Variants in TWIST2 observed in about 807,000 individuals in gnomAD.
TWIST2 encodes twist-related protein 2.
TWIST2 carries 1 observed loss-of-function variant against 11.6 expected under a neutral mutation model. The observed-to-expected ratio is 0.09, with a 90% confidence interval of 0.03 to 0.41. TWIST2 has a LOEUF of 0.41. TWIST2 is among the 10% of genes least tolerant of loss of function. TWIST2 has a pLI of 0.98. For missense variants in TWIST2, 168 were observed against 226.4 expected (o/e 0.74, Z 1.66); for synonymous variants, 87 against 96.6 (o/e 0.90, Z 0.58).
At position 238,864,198 on chromosome 2, in the gene TWIST2, T is replaced by A. The variant is rs926866186; in HGVS notation, c.*35+15465T>A. Reference sequence around the variant, plus strand: ...CAGCATGGGGGGAAGGGGCTGGAGGTGAGGGGGGACCTCTCGGGCTGTGCC... The same window carrying A: ...CAGCATGGGGGGAAGGGGCTGGAGGAGAGGGGGGACCTCTCGGGCTGTGCC... On this transcript the variant is annotated intron_variant, in intron 1 of 1. Transcript: ENST00000612363. This position sits in a 1 kb window ranked among gnomAD's most constrained non-coding sequence, Gnocchi z 4.7. 1.3e-5 allele frequency among the ~76,000 whole-genome samples: 2 copies of A among 150,652 alleles called. No homozygotes were observed. The highest frequency in any genetic ancestry group is 2.1e-4 in the South Asian group (1 of 4,690).
intron 1 of TWIST2, among the ~76,000 whole-genome samples, chr2:238,896,882 C>G (rs1693213620): frequency 6.6e-6 from 1 of 152,204 alleles, no homozygotes. Flanking sequence ...CCGGAGCCCA[C>G]AGACAGAGAC....
intron 1 of TWIST2, among the ~76,000 whole-genome samples, chr2:238,897,370 C>T (rs1448498911): frequency 2.0e-5 from 3 of 152,140 alleles, no homozygotes; most frequent in Non-Finnish European, 4.4e-5. Flanking sequence ...CGGAGTTTGG[C>T]CAGGAGGAGG....
At chr2:238,882,025 T>C (rs1692944983) in intron 1 of TWIST2, among the ~76,000 whole-genome samples, 1 of 152,080 alleles carries the variant, frequency 6.6e-6, no homozygotes, top group South Asian at 2.1e-4. Context: ...TGTCTCTGTG[T>C]CCCTGTCTGT....
intron 1 of TWIST2, among the ~76,000 whole-genome samples, chr2:238,873,502 C>T (rs1692747505): frequency 6.6e-6 from 1 of 152,112 alleles, no homozygotes; most frequent in Admixed American, 6.5e-5. Context: ...TGGGAGTGGG[C>T]AGGGGGATGG....
chr2:238,881,916 A>G (rs1300043089), intron 1 of TWIST2, among the ~76,000 whole-genome samples: 2 of 152,090 alleles, frequency 1.3e-5, no homozygotes, highest in Non-Finnish European at 2.9e-5. Flanking sequence ...GCCCGTGGGC[A>G]TCACAGCCAC....
intron 1 of TWIST2, among the ~76,000 whole-genome samples, chr2:238,891,354 A>C (rs2106369528): frequency 6.6e-6 from 1 of 152,340 alleles, no homozygotes; most frequent in South Asian, 2.1e-4. Context: ...CAGTGGGGAT[A>C]TCACTGGTCA....
rs1248554053 is a variant in TWIST2, at chr2:238,867,403, ACACACACACT to A, written c.*35+18672_*35+18681del. Among the ~76,000 whole-genome samples, 1 of 151,166 alleles carries A rather than the reference ACACACACACT, an allele frequency of 6.6e-6. No homozygotes were observed. The highest frequency in any genetic ancestry group is 1.9e-4 in the East Asian group (1 of 5,138). ...CACACACACACACACACACACACAC[ACACACACACT>A]CCTCAGTAAAATACCCAGTTCTCAC... On this transcript the variant is annotated intron_variant, in intron 1 of 1. Transcript: ENST00000612363. The surrounding 1 kb of genome is among the most constrained non-coding windows in gnomAD (Gnocchi z 4.8).
rs560562073 is a variant in TWIST2 at position 238,875,745 on chromosome 2, A to G, written c.*35+27012A>G. 3.3e-5 allele frequency among the ~76,000 whole-genome samples: 5 copies of G among 152,362 alleles called. No individual in the cohort carries two copies. The East Asian group carries it at 9.7e-4, about 29-fold the overall frequency. On this transcript the variant is annotated intron_variant, in intron 1 of 1. Coordinates refer to ENST00000612363, the MANE Select transcript of TWIST2 (RefSeq NM_001271893.4). Reference sequence around the variant, plus strand: ...TCACTCAGCCGAGTTTCTGGGGGTCATGAGTCTCTTCGCATTTCTCCCCTG... The same window carrying G: ...TCACTCAGCCGAGTTTCTGGGGGTCGTGAGTCTCTTCGCATTTCTCCCCTG...
At chr2:238,868,832 G>A (rs542991515) in intron 1 of TWIST2, among the ~76,000 whole-genome samples, 40 of 152,350 alleles carry the variant, frequency 2.6e-4, no homozygotes, top group African/African-American at 5.8e-4. Context: ...TGGAGGGAGC[G>A]CTGCGTGCCG....
intron 1 of TWIST2, among the ~76,000 whole-genome samples, chr2:238,891,258 G>A (rs900794805): frequency 6.6e-6 from 1 of 152,238 alleles, no homozygotes; most frequent in African/African-American, 2.4e-5. Flanking sequence ...CCTATCGGGA[G>A]CATTCGGACT....
Position 238,864,546 on chromosome 2 carries a change from C to T in TWIST2, c.*35+15813C>T, listed in dbSNP as rs901552085. Reference sequence around the variant, plus strand: ...TCCAAGGCGCGCCCCACCCGGCCCCCAGGCCAGGTCAGCCTGGGGAGGGGA... The same window carrying T: ...TCCAAGGCGCGCCCCACCCGGCCCCTAGGCCAGGTCAGCCTGGGGAGGGGA... On this transcript the variant is annotated intron_variant, in intron 1 of 1. Coordinates refer to ENST00000612363, the MANE Select transcript of TWIST2 (RefSeq NM_001271893.4). The surrounding 1 kb of genome is among the most constrained non-coding windows in gnomAD (Gnocchi z 4.7). Among the ~76,000 whole-genome samples, 30 of 151,894 alleles carry T rather than the reference C, an allele frequency of 2.0e-4. No individual in the cohort carries two copies. The highest frequency in any genetic ancestry group is 7.2e-4 in the African/African-American group (30 of 41,474).
In TWIST2 at chr2:238,867,370, A is replaced by AACACACACACACACACACACAC. The variant is rs1229428285; in HGVS notation, c.*35+18658_*35+18679dup. On this transcript the variant is annotated intron_variant, in intron 1 of 1. Coordinates refer to ENST00000612363, the MANE Select transcript of TWIST2 (RefSeq NM_001271893.4). The surrounding 1 kb of genome is among the most constrained non-coding windows in gnomAD (Gnocchi z 4.8). ...CTGGGGAGTAAAATGTCCTGCCTTC[A>AACACACACACACACACACACAC]ACACACACACACACACACACACACA... is the stretch of plus-strand genomic sequence containing the variant. Among the ~76,000 whole-genome samples the AACACACACACACACACACACAC allele has an allele frequency of 1.2e-3, 144 of 119,724 alleles. No homozygotes were observed. Among genetic ancestry groups the AACACACACACACACACACACAC allele is most frequent in the Admixed American group, 4.9e-3 (56 of 11,322 alleles). The allele number at this position is 119,724 out of a possible 152,430, so 78.5% of individuals were successfully genotyped here.
At position 238,848,236 on chromosome 2, in the gene TWIST2, G is replaced by A; in HGVS notation, c.21G>A (p.Ser7=). The A allele has an allele frequency of 6.8e-7, 1 of 1,463,244 alleles. No individual in the cohort carries two copies. The highest frequency in any genetic ancestry group is 9.1e-7 in the Non-Finnish European group (1 of 1,104,902). The allele number at this position is 1,463,244 out of a possible 1,614,324, so 90.6% of individuals were successfully genotyped here. A position where few individuals can be genotyped will look rare whatever the true frequency, so the allele number is the denominator to read the frequency against. Residue 7 remains serine, a synonymous_variant, in exon 1 of 2, where the codon TCG becomes TCA. Coordinates refer to ENST00000612363, the MANE Select transcript of TWIST2 (RefSeq NM_001271893.4). MEEGSS[S]PVSPVDSLGT... ...GCGCCATGGAGGAGGGCTCCAGCTC[G>A]CCCGTGTCCCCCGTGGACAGCCTGG...
At chr2:238,884,669 A>G (rs1183019978) in intron 1 of TWIST2, among the ~76,000 whole-genome samples, 2 of 152,198 alleles carry the variant, frequency 1.3e-5, no homozygotes, top group South Asian at 2.1e-4. Flanking sequence ...TAGCTCTATC[A>G]TGGAGAAGGG....
chr2:238,908,307 CAT>C (rs1271675894), intron 1 of TWIST2, among the ~76,000 whole-genome samples: 1 of 148,300 alleles, frequency 6.7e-6, no homozygotes, highest in African/African-American at 2.5e-5. Context: ...TCACACTGTA[CAT>C]AGACACCACA....
intron 1 of TWIST2, among the ~76,000 whole-genome samples, chr2:238,902,759 G>A (rs1401061795): frequency 2.9e-5 from 4 of 139,420 alleles, no homozygotes; most frequent in Non-Finnish European, 4.6e-5. Context: ...TGATGGGTAT[G>A]TGCGTGATGT....
chr2:238,893,803 G>T (rs1262015607), intron 1 of TWIST2, among the ~76,000 whole-genome samples: 1 of 152,130 alleles, frequency 6.6e-6, no homozygotes, highest in Non-Finnish European at 1.5e-5. Flanking sequence ...AAGGAGCGCC[G>T]ACCTCCTGGC....
chr2:238,901,875 C>G (rs990179234), intron 1 of TWIST2, among the ~76,000 whole-genome samples: 4 of 151,930 alleles, frequency 2.6e-5, no homozygotes, highest in African/African-American at 9.7e-5. Context: ...GTTCCCTAGC[C>G]CTGAGCATCT....
rs556457968 is a variant in TWIST2, at chr2:238,880,803, T to G, written c.*36-29039T>G. Reference sequence around the variant, plus strand: ...TTAGTATTAGTGTTAGTGTTAGTATTTATTAGTATTAGTGTTAGTATTTAT... The same window carrying G: ...TTAGTATTAGTGTTAGTGTTAGTATGTATTAGTATTAGTGTTAGTATTTAT... On this transcript the variant is annotated intron_variant, in intron 1 of 1. Transcript: ENST00000612363. 5.6e-5 allele frequency among the ~76,000 whole-genome samples: 7 copies of G among 124,430 alleles called. 2 individuals are homozygous for G. In the South Asian group the frequency reaches 1.9e-3, roughly 34 times the overall value. 81.6% of individuals were successfully genotyped at this position (124,430 alleles called of 152,430 possible). A position where few individuals can be genotyped will look rare whatever the true frequency, so the allele number is the denominator to read the frequency against.
Sources: gnomAD v4.1 joint callset for allele counts (sites outside exome capture counted in the v4.1 genomes callset) on GRCh38, gnomAD v4.1.1 for gene constraint, Gnocchi (gnomAD v3.1) non-coding constraint, MANE v1.5 for transcripts, NCBI Gene and HGNC (gene_info 2026-07-23, HGNC 2026-07-21) for gene names.